Variants in KCNAB1 observed in about 807,000 individuals in gnomAD.
KCNAB1 encodes the protein potassium voltage-gated channel subfamily A regulatory beta subunit 1.
In KCNAB1, 35 loss-of-function variants were observed where a neutral mutation model predicts 64.6. The observed-to-expected ratio is 0.54, with a 90% CI of 0.41 to 0.72. The LOEUF (loss-of-function observed/expected upper bound fraction) is 0.72. KCNAB1 is among the 30% of genes least tolerant of loss of function. KCNAB1 has a pLI of 0.00. For missense variants in KCNAB1, 401 were observed against 512.9 expected, an observed-to-expected ratio of 0.78 and a Z score of 2.11; for synonymous variants, 177 against 183.8, an observed-to-expected ratio of 0.96 and a Z score of 0.30.
intron 1 of KCNAB1, among the ~76,000 whole-genome samples, chr3:156,272,738 A>G (rs985300772): frequency 1.3e-5 from 2 of 151,378 alleles, no homozygotes; most frequent in African/African-American, 4.9e-5. Flanking sequence ...GCAAGACAAA[A>G]CCCCTTTTAT....
At chr3:156,310,510 T>G (rs972388292) in intron 1 of KCNAB1, among the ~76,000 whole-genome samples, 1 of 152,098 alleles carries the variant, frequency 6.6e-6, no homozygotes, top group Non-Finnish European at 1.5e-5. Flanking sequence ...GATAAGAAGC[T>G]ATCAGCTTAC....
At chr3:156,490,709 C>A (rs1314612963) in intron 8 of KCNAB1, among the ~76,000 whole-genome samples, 1 of 152,018 alleles carries the variant, frequency 6.6e-6, no homozygotes, top group African/African-American at 2.4e-5. Context: ...AAGGTTCTGT[C>A]CACGAGTCCA....
intron 1 of KCNAB1, among the ~76,000 whole-genome samples, chr3:156,213,975 C>T (rs2108398932): frequency 6.6e-6 from 1 of 152,196 alleles, no homozygotes; most frequent in East Asian, 1.9e-4. Flanking sequence ...GATAATCAAT[C>T]TTGCCTACGT....
Position 156,226,385 on chromosome 3 carries a change from A to G in KCNAB1, c.275+105499A>G, listed in dbSNP as rs546646484. On this transcript the variant is annotated intron_variant, in intron 1 of 13. Transcript: ENST00000490337. ...TGTAGAAGAATGAAACTAGATATCT[A>G]TCTCTCACCTCATACAAAAATCAAC... Among the ~76,000 whole-genome samples, 7 of 152,028 alleles carry G rather than the reference A, an allele frequency of 4.6e-5. No individual in the cohort carries two copies. The South Asian group carries it at 1.2e-3, about 27-fold the overall frequency.
At chr3:156,136,246 T>C (rs75717100) in intron 1 of KCNAB1, among the ~76,000 whole-genome samples, 5,072 of 152,324 alleles carry the variant, frequency 0.033, 323 homozygotes, top group African/African-American at 0.12. Flanking sequence ...CCATTTATTC[T>C]GTACTAGTTA....
intron 1 of KCNAB1, among the ~76,000 whole-genome samples, chr3:156,254,656 A>AATGTGACCTTTCG (rs1718004583): frequency 6.6e-6 from 1 of 152,216 alleles, no homozygotes; most frequent in African/African-American, 2.4e-5. Flanking sequence ...CACAGTAGAA[A>AATGTGACCTTTCG]ATGTGACCTT....
intron 1 of KCNAB1, among the ~76,000 whole-genome samples, chr3:156,272,904 A>G (rs1454926532): frequency 1.3e-5 from 2 of 152,048 alleles, no homozygotes; most frequent in East Asian, 1.9e-4. Flanking sequence ...TTCAGGGTTC[A>G]AGGACTCTAG....
At chr3:156,127,818 A>G (rs1026042102) in intron 1 of KCNAB1, among the ~76,000 whole-genome samples, 1 of 150,756 alleles carries the variant, frequency 6.6e-6, no homozygotes, top group Non-Finnish European at 1.5e-5. Context: ...CACCCCTGTG[A>G]CTGCTTTTTT....
chr3:156,512,551 A>G (rs951768465), intron 8 of KCNAB1, among the ~76,000 whole-genome samples: 1 of 152,254 alleles, frequency 6.6e-6, no homozygotes, highest in African/African-American at 2.4e-5. Flanking sequence ...CCAGCTCTGA[A>G]TGACACAGGA....
At chr3:156,406,128 C>A (rs1043250193) in intron 1 of KCNAB1, among the ~76,000 whole-genome samples, 2 of 152,064 alleles carry the variant, frequency 1.3e-5, no homozygotes, top group African/African-American at 4.8e-5. Flanking sequence ...TTAGCAAATG[C>A]ATCTTACATT....
At chr3:156,440,824 T>C (rs1266034735) in intron 2 of KCNAB1, among the ~76,000 whole-genome samples, 2 of 152,198 alleles carry the variant, frequency 1.3e-5, no homozygotes, top group Non-Finnish European at 2.9e-5. Flanking sequence ...AATCCTTATA[T>C]GTAAATCTGT....
At chr3:156,299,105 G>GCCAAGGCCAAAGTGAGGTCCTGACT (rs1163070972) in intron 1 of KCNAB1, among the ~76,000 whole-genome samples, 1 of 152,206 alleles carries the variant, frequency 6.6e-6, no homozygotes, top group African/African-American at 2.4e-5. Flanking sequence ...TGGGCAGAGG[G>GCCAAGGCCAAAGTGAGGTCCTGACT]CCAAGGCCAA....
At chr3:156,219,868 G>A (rs1440245729) in intron 1 of KCNAB1, among the ~76,000 whole-genome samples, 1 of 149,354 alleles carries the variant, frequency 6.7e-6, no homozygotes, top group African/African-American at 2.5e-5. Context: ...CCCTCCCCCA[G>A]CCCCTAACCC....
chr3:156,430,320 G>C (rs889071820), intron 2 of KCNAB1, among the ~76,000 whole-genome samples: 1 of 152,062 alleles, frequency 6.6e-6, no homozygotes, highest in African/African-American at 2.4e-5. Flanking sequence ...CAACAATCTG[G>C]GCATGCAAAC....
intron 7 of KCNAB1, among the ~76,000 whole-genome samples, chr3:156,474,121 CAG>C (rs1007472091): frequency 4.6e-5 from 7 of 152,112 alleles, no homozygotes; most frequent in Admixed American, 1.3e-4. Flanking sequence ...TCCCCCAAAA[CAG>C]AGAATAATAG....
At chr3:156,377,048 A>C (rs1711728325) in intron 1 of KCNAB1, among the ~76,000 whole-genome samples, 1 of 152,308 alleles carries the variant, frequency 6.6e-6, no homozygotes, top group Non-Finnish European at 1.5e-5. Context: ...AAATAAGGCA[A>C]GTTAACTGAG....
chr3:156,351,578 G>A (rs1319755498), intron 1 of KCNAB1, among the ~76,000 whole-genome samples: 1 of 152,208 alleles, frequency 6.6e-6, no homozygotes, highest in Non-Finnish European at 1.5e-5. Flanking sequence ...CTCACACAGA[G>A]ATTTCTTCCA....
At chr3:156,143,527 G>T (rs192459925) in intron 1 of KCNAB1, 71 of 654,354 alleles carry the variant, frequency 1.1e-4, no homozygotes, top group Admixed American at 5.1e-4. Flanking sequence ...GTAAGAAAAA[G>T]AAGGAAAAAT....
At chr3:156,524,112 C>T in intron 12 of KCNAB1, 165 bp downstream of exon 12, 2 of 697,822 alleles carry the variant, frequency 2.9e-6, no homozygotes, top group Non-Finnish European at 4.4e-6. Flanking sequence ...TGAGGTTCCC[C>T]AGAATTTTCT....
Sources: allele counts gnomAD v4.1 joint callset (sites outside exome capture counted in the v4.1 genomes callset), GRCh38; gene constraint gnomAD v4.1.1; transcripts MANE v1.5; gene names NCBI Gene and HGNC (gene_info 2026-07-23, HGNC 2026-07-21).